Variants in KIF1A observed in about 807,000 individuals in gnomAD.
The protein encoded by KIF1A is kinesin-like protein KIF1A.
KIF1A carries 46 observed loss-of-function variants against 227.3 expected under a neutral mutation model. That is an observed-to-expected ratio of 0.20 (90% CI 0.16 to 0.26). The LOEUF (loss-of-function observed/expected upper bound fraction) is 0.26, where lower values mean the gene tolerates loss of function less well. Among genes scored for constraint, KIF1A ranks in the 10% least tolerant of loss-of-function variants. KIF1A has a pLI of 1.00. For synonymous variants in KIF1A, 1,022 were observed against 1,012.8 expected, an observed-to-expected ratio of 1.01 and a Z score of -0.17; for missense variants, 1,683 against 2,485.9, an observed-to-expected ratio of 0.68 and a Z score of 6.87.
chr2:240,819,317 C>T (rs866886182), intron 1 of KIF1A, among the ~76,000 whole-genome samples: 5 of 152,224 alleles, frequency 3.3e-5, no homozygotes, highest in Non-Finnish European at 5.9e-5. Flanking sequence ...CCCTGCGGCC[C>T]CGCAGCCCCT....
In KIF1A at chr2:240,773,262, T is replaced by C. The variant is rs1064796903; in HGVS notation, c.1038-6A>G. 1 of 1,613,670 alleles carries C rather than the reference T, an allele frequency of 6.2e-7. No homozygotes were observed. The highest frequency in any genetic ancestry group is 8.5e-7 in the Non-Finnish European group (1 of 1,179,762). On this transcript the variant is annotated splice_polypyrimidine_tract_variant and splice_region_variant and intron_variant, in intron 12 of 48. Transcript: ENST00000498729. The stretch of plus-strand genomic sequence containing the variant: ...GCTTGGCCCGGTCAGCATACCTGGG[T>C]GGCAGAGGGGGCTGTGGGCTGTGCT...
chr2:240,724,046 G>A lies in KIF1A; in HGVS notation c.4257-10C>T, dbSNP rs542878802. On this transcript the variant is annotated splice_polypyrimidine_tract_variant and intron_variant, in intron 40 of 48. Transcript: ENST00000498729. ...ACCAGTCACACGGTTACTGTGGGGA[G>A]TAGAAGGAGTGACATGCAGTCACCA... The A allele has an allele frequency of 6.2e-7, 1 of 1,612,034 alleles. No homozygotes were observed. The highest frequency in any genetic ancestry group is 1.3e-5 in the African/African-American group (1 of 75,042).
At chr2:240,745,555 G>A (rs1267934778) in intron 31 of KIF1A, 38 bp from the exon 32 acceptor site, 1 of 1,555,458 alleles carries the variant, frequency 6.4e-7, no homozygotes, top group Admixed American at 1.7e-5. Context: ...TGGGGTGGGG[G>A]ACTTGGGATG....
chr2:240,788,025 G>GGCC lies in KIF1A; in HGVS notation c.363+25_363+26insGGC. 2.0e-5 allele frequency: 30 copies of GGCC among 1,466,692 alleles called. No individual in the cohort carries two copies. The highest frequency in any genetic ancestry group is 2.0e-5 in the Non-Finnish European group (21 of 1,073,766). 90.9% of individuals were successfully genotyped at this position (1,466,692 alleles called of 1,614,324 possible). A position where few individuals can be genotyped will look rare whatever the true frequency, so the allele number is the denominator to read the frequency against. The stretch of plus-strand genomic sequence containing the variant: ...TGGTCCCGCCCCATCTGCCAGGGCT[G>GGCC]CCCCCGCCCGCCCCCCGCTTCGTGC... On this transcript the variant is annotated intron_variant, in intron 4 of 48. Transcript: ENST00000498729. This position sits in a 1 kb window ranked among gnomAD's most constrained non-coding sequence, Gnocchi z 6.6.
At chr2:240,720,743 T>A (rs980195860) in intron 45 of KIF1A, 171 bp downstream of exon 45, 7 of 703,346 alleles carry the variant, frequency 1.0e-5, no homozygotes, top group Non-Finnish European at 1.6e-5. Context: ...AGGCACCCTC[T>A]GAGAGGGCTG....
intron 1 of KIF1A, among the ~76,000 whole-genome samples, chr2:240,799,482 C>G (rs973276249): frequency 6.6e-6 from 1 of 152,180 alleles, no homozygotes; most frequent in Non-Finnish European, 1.5e-5. Flanking sequence ...GGACTCGTGC[C>G]GCCTACACCA....
In KIF1A at chr2:240,793,403, A is replaced by G. The variant is rs2126124531; in HGVS notation, c.107-4091T>C. Reference sequence around the variant, plus strand: ...AGTGTCACACAGCGAGTAAGTCATGAGCACAGCCAGGCCCCTCACTCCAGG... The same window carrying G: ...AGTGTCACACAGCGAGTAAGTCATGGGCACAGCCAGGCCCCTCACTCCAGG... On this transcript the variant is annotated intron_variant, in intron 2 of 48. Coordinates refer to ENST00000498729, the MANE Select transcript of KIF1A (RefSeq NM_001244008.2). This position sits in a 1 kb window ranked among gnomAD's most constrained non-coding sequence, Gnocchi z 4.8. Among the ~76,000 whole-genome samples the G allele has an allele frequency of 6.6e-6, 1 of 152,334 alleles. No homozygotes were observed. The highest frequency in any genetic ancestry group is 1.5e-5 in the Non-Finnish European group (1 of 68,016).
intron 31 of KIF1A, 34 bp downstream of exon 31, chr2:240,745,704 G>T (rs185010090): frequency 1.2e-6 from 2 of 1,601,656 alleles, no homozygotes; most frequent in Non-Finnish European, 1.7e-6. Context: ...GAGTCCCTGC[G>T]CAGCGCAGGG....
Position 240,718,109 on chromosome 2 carries a change from G to C in KIF1A, c.5274C>G (p.Ser1758Arg), listed in dbSNP as rs899778611. ...EHRGILLQAASDKDMHDWLYA... is the reference protein window; with the variant it reads ...EHRGILLQAARDKDMHDWLYA... Reference sequence around the variant, plus strand: ...ACAGCCAGTCATGCATGTCCTTGTCGCTGGCGGCCTGCAGCAGGATGCCGC... The same window carrying C: ...ACAGCCAGTCATGCATGTCCTTGTCCCTGGCGGCCTGCAGCAGGATGCCGC... Residue 1758 changes from serine to arginine, a missense_variant, in exon 48 of 49, where the codon AGC (serine) becomes AGG (arginine). Physicochemically the swap from Ser to Arg is moderately radical, Grantham distance 110. This residue lies in a region of KIF1A where 384 missense variants were observed against 410.1 expected (regional missense o/e 0.94). Transcript: ENST00000498729. The C allele has an allele frequency of 6.2e-7, 1 of 1,611,740 alleles. No individual in the cohort carries two copies. The highest frequency in any genetic ancestry group is 1.3e-5 in the African/African-American group (1 of 75,042).
In KIF1A at chr2:240,762,736, T is replaced by C. The variant is rs1295868943; in HGVS notation, c.2099A>G (p.Glu700Gly). 6.3e-7 allele frequency: 1 copy of C among 1,594,718 alleles called. No homozygotes were observed. The highest frequency in any genetic ancestry group is 1.7e-5 in the Admixed American group (1 of 59,416). The change falls in exon 23 of 49, where the codon GAG (glutamate) becomes GGG (glycine). Residue 700 changes from glutamate (E) to glycine (G), a missense_variant. Glu to Gly is a moderately conservative substitution (Grantham distance 98, BLOSUM62 -2). Coordinates refer to ENST00000498729, the MANE Select transcript of KIF1A (RefSeq NM_001244008.2). The part of the protein sequence containing the change: ...RYYPEVNEEE[E>G]EPEDEVQWTE... Reference sequence around the variant, plus strand: ...CCCCTCACCTTCATCCTCGGGCTCCTCCTCCTCCTCGTTCACCTCCGGGTA... The same window carrying C: ...CCCCTCACCTTCATCCTCGGGCTCCCCCTCCTCCTCGTTCACCTCCGGGTA...
At chr2:240,731,553 G>A (rs907928975) in intron 38 of KIF1A, among the ~76,000 whole-genome samples, 10 of 152,210 alleles carry the variant, frequency 6.6e-5, no homozygotes, top group African/African-American at 2.4e-4. Flanking sequence ...CCTGGAGGTC[G>A]CTGTCCTCAG....
Position 240,743,922 on chromosome 2 carries a change from C to G in KIF1A, c.3584+20G>C. On this transcript the variant is annotated intron_variant, in intron 33 of 48. Transcript: ENST00000498729. ...GCTTTGAGGACAGCAGCCCCGAACC[C>G]CCCGACCCAGGGCGCTAACCTGAGC... The G allele has an allele frequency of 6.4e-7, 1 of 1,552,772 alleles. No homozygotes were observed. The highest frequency in any genetic ancestry group is 8.9e-7 in the Non-Finnish European group (1 of 1,125,376).
chr2:240,780,167 G>A (rs567149977), intron 10 of KIF1A, among the ~76,000 whole-genome samples: 2 of 151,914 alleles, frequency 1.3e-5, no homozygotes, highest in South Asian at 2.1e-4. Context: ...GCGTTCACAC[G>A]GTTCCTCATG....
chr2:240,757,368 C>T lies in KIF1A; in HGVS notation c.2809G>A (p.Gly937Ser), dbSNP rs1350306625. ...DVFPEHALCD[G>S]RDPFYDRPPL... Reference sequence around the variant, plus strand: ...GGCCGGTCGTAAAACGGGTCCCGGCCGTCGCACAGCGCGTGCTCCGGAAAG... The same window carrying T: ...GGCCGGTCGTAAAACGGGTCCCGGCTGTCGCACAGCGCGTGCTCCGGAAAG... The change falls in exon 27 of 49, where the codon GGC (glycine) becomes AGC (serine). Residue 937 changes from glycine to serine, a missense_variant. Transcript: ENST00000498729. This position sits in a 1 kb window ranked among gnomAD's most constrained non-coding sequence, Gnocchi z 6.2. 3 of 1,550,526 alleles carry T rather than the reference C, an allele frequency of 1.9e-6. No homozygotes were observed. The highest frequency in any genetic ancestry group is 1.4e-5 in the African/African-American group (1 of 73,036).
At chr2:240,738,871 G>A (rs1476156394) in intron 37 of KIF1A, among the ~76,000 whole-genome samples, 1 of 152,226 alleles carries the variant, frequency 6.6e-6, no homozygotes, top group Non-Finnish European at 1.5e-5. Context: ...TGAGGGAAGT[G>A]AGACCAGGGC....
chr2:240,765,690 C>T lies in KIF1A; in HGVS notation c.1768+20G>A. On this transcript the variant is annotated intron_variant, in intron 20 of 48. Coordinates refer to ENST00000498729, the MANE Select transcript of KIF1A (RefSeq NM_001244008.2). ...CATGCCTCTGCCTACCTGACTGGCC[C>T]CCGGAGTCCCCAGCCATACCTGAAC... The T allele has an allele frequency of 1.2e-6, 2 of 1,601,394 alleles. No individual in the cohort carries two copies. The highest frequency in any genetic ancestry group is 1.7e-6 in the Non-Finnish European group (2 of 1,169,456).
rs2125622415 is a variant in KIF1A at position 240,725,409 on chromosome 2, G to A, written c.4123-5C>T. 6.2e-7 allele frequency: 1 copy of A among 1,611,964 alleles called. No individual in the cohort carries two copies. On this transcript the variant is annotated splice_region_variant and splice_polypyrimidine_tract_variant and intron_variant, in intron 39 of 48. Transcript: ENST00000498729. The surrounding 1 kb of genome is among the most constrained non-coding windows in gnomAD (Gnocchi z 5.8). ...CGGCTGGGTGCAGTTCTCCATCTGAGATAGGCGGGAGCAGGACTCAGGCAC... is the reference window on the plus strand; with the variant it reads ...CGGCTGGGTGCAGTTCTCCATCTGAAATAGGCGGGAGCAGGACTCAGGCAC...
At position 240,760,649 on chromosome 2, in the gene KIF1A, G is replaced by A. The variant is rs1314685393; in HGVS notation, c.2444+16C>T. On this transcript the variant is annotated intron_variant, in intron 25 of 48. Coordinates refer to ENST00000498729, the MANE Select transcript of KIF1A (RefSeq NM_001244008.2). ...AGGACCCTCCCACCATCCACCCAGCGGCCCTCCAGCCCCACCTGAGCTTCT... is the reference window on the plus strand; with the variant it reads ...AGGACCCTCCCACCATCCACCCAGCAGCCCTCCAGCCCCACCTGAGCTTCT... 7 of 1,446,996 alleles carry A rather than the reference G, an allele frequency of 4.8e-6. No individual in the cohort carries two copies. The highest frequency in any genetic ancestry group is 3.1e-5 in the South Asian group (2 of 63,648). 89.6% of individuals were successfully genotyped at this position (1,446,996 alleles called of 1,614,324 possible).
chr2:240,776,116 G>A (rs1216831119), intron 10 of KIF1A, among the ~76,000 whole-genome samples, 190 bp from the exon 11 acceptor site: 1 of 152,170 alleles, frequency 6.6e-6, no homozygotes, highest in Admixed American at 6.5e-5. Flanking sequence ...CGCCACCCCA[G>A]AGGCCTCCTC....
Sources: gnomAD v4.1 joint callset for allele counts (sites outside exome capture counted in the v4.1 genomes callset) on GRCh38, gnomAD v4.1.1 for gene constraint, gnomAD v4.1.1 regional missense constraint, Gnocchi (gnomAD v3.1) non-coding constraint, MANE v1.5 for transcripts, NCBI Gene and HGNC (gene_info 2026-07-23, HGNC 2026-07-21) for gene names.